Variants in DSCAML1 observed in about 807,000 individuals in gnomAD.
DSCAML1 encodes the protein cell adhesion molecule DSCAML1.
Under a neutral mutation model 200.5 loss-of-function variants are expected in DSCAML1, and 38 were observed. That is an observed-to-expected ratio of 0.19 (90% confidence interval 0.15 to 0.25). The LOEUF is 0.25. Among genes scored for constraint, DSCAML1 ranks in the 10% least tolerant of loss-of-function variants. DSCAML1 has a pLI of 1.00. For missense variants in DSCAML1, 2,223 were observed against 2,858.8 expected (o/e 0.78, Z 5.07); for synonymous variants, 1,215 against 1,165.0 (o/e 1.04, Z -0.87).
chr11:117,626,801 C>T (rs947957859), intron 3 of DSCAML1, among the ~76,000 whole-genome samples: 1 of 152,196 alleles, frequency 6.6e-6, no homozygotes, highest in Non-Finnish European at 1.5e-5. Flanking sequence ...ACATTGTGAC[C>T]ACCTGGGACA....
intron 8 of DSCAML1, among the ~76,000 whole-genome samples, chr11:117,512,356 C>A (rs1395209121): frequency 6.6e-6 from 1 of 152,124 alleles, no homozygotes; most frequent in Non-Finnish European, 1.5e-5. Context: ...TTGGGTAGTT[C>A]TTGGAACAGC....
At chr11:117,804,666 C>T (rs1444073248) in intron 1 of DSCAML1, among the ~76,000 whole-genome samples, 1 of 152,210 alleles carries the variant, frequency 6.6e-6, no homozygotes, top group African/African-American at 2.4e-5. Context: ...CATGGTGGCT[C>T]ACGCCTGTAA....
chr11:117,519,548 G>A (rs963454536), intron 6 of DSCAML1, among the ~76,000 whole-genome samples: 2 of 152,188 alleles, frequency 1.3e-5, no homozygotes, highest in Admixed American at 1.3e-4. Flanking sequence ...GGCCAGCCAC[G>A]GTTGCTTATG....
chr11:117,701,081 C>A (rs1258882556), intron 3 of DSCAML1, among the ~76,000 whole-genome samples: 1 of 152,140 alleles, frequency 6.6e-6, no homozygotes, highest in Admixed American at 6.5e-5. Context: ...GCCTGGCCAA[C>A]ATGGTGAAAC....
At chr11:117,810,372 C>T (rs1274818616) in intron 1 of DSCAML1, among the ~76,000 whole-genome samples, 1 of 150,360 alleles carries the variant, frequency 6.7e-6, no homozygotes, top group Non-Finnish European at 1.5e-5. Context: ...CTTATTTCCG[C>T]ACCCCGACCT....
rs1411685698 is a variant in DSCAML1 at position 117,521,199 on chromosome 11, C to T, written c.1144G>A (p.Gly382Arg). ...CGGGTAGCGAAGCACTGGTAGGCCC[C>T]GGAATGGCTCTTCTGGGCCGAGGTG... ...LITSAQKSHSGAYQCFATRKA... is the reference protein window; with the variant it reads ...LITSAQKSHSRAYQCFATRKA... The change falls in exon 6 of 33, where the codon GGG becomes AGG. Residue 382 changes from glycine to arginine, a missense_variant. Gly to Arg is a moderately radical substitution (Grantham distance 125). This residue lies in a region of DSCAML1 where 579 missense variants were observed against 721.5 expected (regional missense o/e 0.80). Coordinates refer to ENST00000651296, the MANE Select transcript of DSCAML1 (RefSeq NM_020693.4). 1.2e-6 allele frequency: 2 copies of T among 1,614,134 alleles called. No individual in the cohort carries two copies. Among genetic ancestry groups the T allele is most frequent in the East Asian group, 2.2e-5 (1 of 44,868 alleles).
At chr11:117,506,204 C>A (rs1010226391) in intron 8 of DSCAML1, among the ~76,000 whole-genome samples, 25 of 152,316 alleles carry the variant, frequency 1.6e-4, no homozygotes, top group African/African-American at 5.8e-4. Context: ...TCATCTGAAA[C>A]CAGAGCACTG....
chr11:117,627,891 A>C (rs2052088565), intron 3 of DSCAML1, among the ~76,000 whole-genome samples: 1 of 151,650 alleles, frequency 6.6e-6, no homozygotes, highest in Admixed American at 6.6e-5. Context: ...CATTTTCCAG[A>C]TCCCTGGAGC....
At chr11:117,471,802 CG>C in intron 15 of DSCAML1, 66 bp downstream of exon 15, 2 of 1,530,906 alleles carry the variant, frequency 1.3e-6, no homozygotes, top group Non-Finnish European at 1.8e-6. Context: ...TGAACAGGAT[CG>C]CTGTAGGCCC....
rs1019939990 is a variant in DSCAML1 at position 117,435,889 on chromosome 11, T to G, written c.4721-90A>C. The G allele has an allele frequency of 5.6e-6, 8 of 1,422,444 alleles. No individual in the cohort carries two copies. In the African/African-American group the frequency reaches 9.9e-5, roughly 18 times the overall value. 88.1% of individuals were successfully genotyped at this position (1,422,444 alleles called of 1,614,324 possible). A position where few individuals can be genotyped will look rare whatever the true frequency, so the allele number is the denominator to read the frequency against. On this transcript the variant is annotated intron_variant, in intron 26 of 32. Coordinates refer to ENST00000651296, the MANE Select transcript of DSCAML1 (RefSeq NM_020693.4). Reference sequence around the variant, plus strand: ...ATGGGTGGGGCAGTCCTCTGACCTCTCTTGCTGCCCTTGGGCTCTGACCTC... The same window carrying G: ...ATGGGTGGGGCAGTCCTCTGACCTCGCTTGCTGCCCTTGGGCTCTGACCTC...
At chr11:117,698,403 A>G (rs143239623) in intron 3 of DSCAML1, among the ~76,000 whole-genome samples, 413 of 152,316 alleles carry the variant, frequency 2.7e-3, no homozygotes, top group Middle Eastern at 6.8e-3. Context: ...CATGCAACAG[A>G]TACATGTAAA....
In DSCAML1 at chr11:117,780,725, C is replaced by T; in HGVS notation, c.132G>A (p.Val44=). The change falls in exon 2 of 33, where the codon GTG becomes GTA. Residue 44 remains valine (V), a synonymous_variant. Transcript: ENST00000651296. The surrounding 1 kb of genome is among the most constrained non-coding windows in gnomAD (Gnocchi z 4.8). The stretch of plus-strand genomic sequence containing the variant: ...GGGAGCCCGCGGCCGGGCAGGGCAC[C>T]ACCACCCCCACGGAGCTGGAAAAGG... ...QVTFSSSVGV[V]VPCPAAGSPS... 2 of 1,571,242 alleles carry T rather than the reference C, an allele frequency of 1.3e-6. No individual in the cohort carries two copies. The highest frequency in any genetic ancestry group is 1.9e-5 in the Admixed American group (1 of 53,250).
chr11:117,474,873 G>A (rs1395301602), intron 14 of DSCAML1, among the ~76,000 whole-genome samples: 2 of 151,772 alleles, frequency 1.3e-5, no homozygotes, highest in African/African-American at 4.8e-5. Context: ...TCCTGCCTCA[G>A]CCTCCGGAGT....
At chr11:117,650,540 A>C (rs1177904649) in intron 3 of DSCAML1, among the ~76,000 whole-genome samples, 1 of 152,222 alleles carries the variant, frequency 6.6e-6, no homozygotes, top group East Asian at 1.9e-4. Flanking sequence ...AGCCTCGTGC[A>C]AAGAGGCTGT....
chr11:117,765,631 A>G (rs546351383), intron 3 of DSCAML1, among the ~76,000 whole-genome samples: 6 of 152,362 alleles, frequency 3.9e-5, no homozygotes, highest in African/African-American at 1.4e-4. Context: ...GGAAAAATTG[A>G]AAACCTACGC....
chr11:117,532,579 G>A, intron 3 of DSCAML1, 57 bp from the exon 4 acceptor site: 1 of 1,541,034 alleles, frequency 6.5e-7, no homozygotes, highest in Non-Finnish European at 8.8e-7. Flanking sequence ...AGCCTCAGAG[G>A]CAGGGTAGCG....
chr11:117,433,278 G>T (rs1303961260), intron 28 of DSCAML1, 22 bp from the exon 29 acceptor site: 1 of 1,597,068 alleles, frequency 6.3e-7, no homozygotes, highest in Non-Finnish European at 8.5e-7. Context: ...AAGACTGGAG[G>T]TGGTGGCTCA....
rs565240430 is a variant in DSCAML1, at chr11:117,428,291, C to T, written c.*37G>A. 1.1e-4 allele frequency: 132 copies of T among 1,191,850 alleles called. No individual in the cohort carries two copies. Among genetic ancestry groups the T allele is most frequent in the Non-Finnish European group, 1.4e-4 (117 of 815,464 alleles). 73.8% of individuals were successfully genotyped at this position (1,191,850 alleles called of 1,614,324 possible). ...CGAGCTGGCGTGTGGGGCTGCGGCG[C>T]GGCGCGGTCCAGGCGTGGCTGCTCT... On this transcript the variant is annotated 3_prime_UTR_variant, in exon 33 of 33. Transcript: ENST00000651296.
intron 16 of DSCAML1, among the ~76,000 whole-genome samples, chr11:117,466,551 AT>A (rs1446946410): frequency 6.6e-6 from 1 of 152,116 alleles, no homozygotes; most frequent in African/African-American, 2.4e-5. Flanking sequence ...AATACAAAAA[AT>A]TAGCTGGGTG....
Sources: gnomAD v4.1 joint callset for allele counts (sites outside exome capture counted in the v4.1 genomes callset) on GRCh38, gnomAD v4.1.1 for gene constraint, gnomAD v4.1.1 regional missense constraint, Gnocchi (gnomAD v3.1) non-coding constraint, MANE v1.5 for transcripts, NCBI Gene and HGNC (gene_info 2026-07-23, HGNC 2026-07-21) for gene names.